Variants in NT5DC1 observed in about 807,000 individuals in gnomAD.
The protein encoded by NT5DC1 is 5'-nucleotidase domain-containing protein 1.
A neutral mutation model predicts 59.4 loss-of-function variants in NT5DC1; 42 were observed. That is an observed-to-expected ratio of 0.71 (90% CI 0.55 to 0.92). NT5DC1 has a LOEUF of 0.92. Among genes scored for constraint, NT5DC1 ranks in the 40% least tolerant of loss-of-function variants. NT5DC1 has a pLI of 0.00. For missense variants in NT5DC1, 501 were observed against 537.1 expected (o/e 0.93, Z 0.66); for synonymous variants, 172 against 188.1 (o/e 0.91, Z 0.70).
chr6:116,122,601 G>A (rs915179956), intron 6 of NT5DC1, among the ~76,000 whole-genome samples: 1 of 152,140 alleles, frequency 6.6e-6, no homozygotes, highest in Admixed American at 6.5e-5. Context: ...TATAGTGTTT[G>A]ATTTCATAGA....
chr6:116,215,146 A>G (rs1235110444), intron 6 of NT5DC1, among the ~76,000 whole-genome samples: 3 of 152,160 alleles, frequency 2.0e-5, no homozygotes, highest in Admixed American at 1.3e-4. Context: ...ATGTAGCTCT[A>G]CAATCTAATC....
chr6:116,172,421 A>T (rs1424817436), intron 6 of NT5DC1, among the ~76,000 whole-genome samples: 1 of 147,046 alleles, frequency 6.8e-6, no homozygotes. Context: ...TCCCGGGTTC[A>T]GGCAATTCTC....
chr6:116,190,473 A>G (rs1781092982), intron 6 of NT5DC1, among the ~76,000 whole-genome samples: 1 of 152,016 alleles, frequency 6.6e-6, no homozygotes, highest in Non-Finnish European at 1.5e-5. Context: ...GATAGGTTAC[A>G]GAAGTTAGCG....
chr6:116,101,627 G>T (rs1017691489), intron 1 of NT5DC1, among the ~76,000 whole-genome samples: 6 of 152,078 alleles, frequency 3.9e-5, no homozygotes, highest in Admixed American at 3.9e-4. Context: ...TATTTATTGC[G>T]CATCGACTAC....
chr6:116,186,714 G>C (rs1781008615), intron 6 of NT5DC1, among the ~76,000 whole-genome samples: 1 of 151,974 alleles, frequency 6.6e-6, no homozygotes. Flanking sequence ...GTGTGTCCTT[G>C]ACTTCCAGAA....
At chr6:116,127,522 A>AT (rs1284270138) in intron 6 of NT5DC1, among the ~76,000 whole-genome samples, 8 of 152,194 alleles carry the variant, frequency 5.3e-5, no homozygotes, top group African/African-American at 1.9e-4. Context: ...TATATATGGA[A>AT]TAGCTTTTGT....
At position 116,241,824 on chromosome 6, in the gene NT5DC1, G is replaced by A. The variant is rs186570206; in HGVS notation, c.1253-2085G>A. Among the ~76,000 whole-genome samples the A allele has an allele frequency of 1.6e-3, 243 of 150,796 alleles. 4 individuals carry two copies. Among genetic ancestry groups the A allele is most frequent in the Admixed American group, 0.013 (194 of 15,110 alleles). On this transcript the variant is annotated intron_variant, in intron 11 of 11. Transcript: ENST00000319550. ...TGTAGTCCCAGCTACTCAGGAGGCC[G>A]AGGCAGGAGAATGGCATGAACCCGG... is the stretch of plus-strand genomic sequence containing the variant.
intron 6 of NT5DC1, among the ~76,000 whole-genome samples, chr6:116,135,872 T>TAC (rs71554839): frequency 7.6e-4 from 92 of 121,302 alleles, no homozygotes; most frequent in South Asian, 2.4e-3. Context: ...TATATATATA[T>TAC]ACACACATAC....
At chr6:116,158,396 A>G (rs1780252865) in intron 6 of NT5DC1, among the ~76,000 whole-genome samples, 1 of 152,202 alleles carries the variant, frequency 6.6e-6, no homozygotes, top group Admixed American at 6.5e-5. Flanking sequence ...GAGTTTATAA[A>G]TGATTTACTT....
chr6:116,219,517 G>C (rs1781751440), intron 6 of NT5DC1, among the ~76,000 whole-genome samples: 1 of 152,066 alleles, frequency 6.6e-6, no homozygotes, highest in Non-Finnish European at 1.5e-5. Context: ...GCCCTTCCTA[G>C]CATCACAGAC....
chr6:116,113,511 T>C (rs550792253), intron 4 of NT5DC1, among the ~76,000 whole-genome samples: 97 of 152,322 alleles, frequency 6.4e-4, no homozygotes, highest in Non-Finnish European at 1.2e-3. Flanking sequence ...AGGTGGACGT[T>C]GAAGCTTTCA....
At chr6:116,118,919 C>G (rs1582810595) in intron 6 of NT5DC1, 1 of 152,272 alleles carries the variant, frequency 6.6e-6, no homozygotes, top group East Asian at 1.9e-4. Context: ...TAAAAGCCAC[C>G]CATCACTTTA....
intron 8 of NT5DC1, among the ~76,000 whole-genome samples, chr6:116,234,263 C>T (rs769710468): frequency 2.0e-5 from 3 of 150,868 alleles, no homozygotes; most frequent in Non-Finnish European, 4.4e-5. Flanking sequence ...CCTGGCCCTT[C>T]TAACATATTT....
intron 6 of NT5DC1, among the ~76,000 whole-genome samples, chr6:116,172,068 T>C (rs757798380): frequency 3.9e-5 from 6 of 152,182 alleles, no homozygotes; most frequent in Non-Finnish European, 7.3e-5. Flanking sequence ...CACACATCTA[T>C]GGTTTCAGTG....
chr6:116,126,206 C>T (rs1033360370), intron 6 of NT5DC1: 2 of 152,212 alleles, frequency 1.3e-5, no homozygotes, highest in African/African-American at 4.8e-5. Context: ...AGCTTAAGCT[C>T]CTCCCCTCAA....
intron 6 of NT5DC1, among the ~76,000 whole-genome samples, chr6:116,181,084 CAG>C (rs2114473901): frequency 6.6e-6 from 1 of 151,914 alleles, no homozygotes; most frequent in South Asian, 2.1e-4. Flanking sequence ...GACAACCTAA[CAG>C]AGGTACACGA....
rs144444768 is a variant in NT5DC1, at chr6:116,126,934, A to G, written c.529+8989A>G. ...TCCCTCAAAGGTGGAAGTAAACACTATTGTTGTCAATTTTGGTAGTTAGAC... is the reference window on the plus strand; with the variant it reads ...TCCCTCAAAGGTGGAAGTAAACACTGTTGTTGTCAATTTTGGTAGTTAGAC... On this transcript the variant is annotated intron_variant, in intron 6 of 11. Coordinates refer to ENST00000319550, the MANE Select transcript of NT5DC1 (RefSeq NM_152729.3). Among the ~76,000 whole-genome samples the G allele has an allele frequency of 6.6e-3, 1,000 of 152,264 alleles. 15 individuals are homozygous for G. Among genetic ancestry groups the G allele is most frequent in the African/African-American group, 0.023 (954 of 41,544 alleles).
intron 6 of NT5DC1, among the ~76,000 whole-genome samples, chr6:116,179,566 C>G (rs764917176): frequency 3.9e-5 from 6 of 152,102 alleles, no homozygotes; most frequent in Non-Finnish European, 5.9e-5. Context: ...CAGGGAAACG[C>G]AAATCAAAAC....
At chr6:116,101,336 G>C (rs1404187677) in intron 1 of NT5DC1, among the ~76,000 whole-genome samples, 5 of 152,180 alleles carry the variant, frequency 3.3e-5, no homozygotes, top group African/African-American at 9.7e-5. Context: ...GGAGGGGCGG[G>C]GTCAGGGGGA....
Sources: gnomAD v4.1 joint callset for allele counts (sites outside exome capture counted in the v4.1 genomes callset) on GRCh38, gnomAD v4.1.1 for gene constraint, MANE v1.5 for transcripts, NCBI Gene and HGNC (gene_info 2026-07-23, HGNC 2026-07-21) for gene names.